The following FSTL5 variants were observed in gnomAD, a reference collection of about 807,000 sequenced individuals.
FSTL5 encodes follistatin like 5, also known as follistatin-related protein 5.
A neutral mutation model predicts 89.1 loss-of-function variants in FSTL5; 62 were observed. The observed-to-expected ratio is 0.70, with a 90% CI of 0.57 to 0.86. The LOEUF (loss-of-function observed/expected upper bound fraction) is 0.86. Ranked by LOEUF, FSTL5 falls within the 40% of genes least tolerant of loss-of-function variation. The pLI, the probability that FSTL5 is intolerant of heterozygous loss-of-function variation, is 0.00. For missense variants in FSTL5, 1,057 were observed against 1,001.6 expected (o/e 1.06, Z -0.75); for synonymous variants, 383 against 346.2 (o/e 1.11, Z -1.18).
At chr4:161,839,799 T>C (rs1261414726) in intron 4 of FSTL5, among the ~76,000 whole-genome samples, 4 of 152,198 alleles carry the variant, frequency 2.6e-5, no homozygotes, top group Admixed American at 2.6e-4. Context: ...TTACATAGTG[T>C]ATGCATTTGC....
At chr4:161,454,384 C>T (rs2126399469) in intron 15 of FSTL5, among the ~76,000 whole-genome samples, 1 of 152,282 alleles carries the variant, frequency 6.6e-6, no homozygotes, top group African/African-American at 2.4e-5. Flanking sequence ...TTCTATAAAG[C>T]TTTGCAGTTT....
chr4:161,414,106 G>A (rs1273495101), intron 15 of FSTL5, among the ~76,000 whole-genome samples: 1 of 152,058 alleles, frequency 6.6e-6, no homozygotes, highest in Non-Finnish European at 1.5e-5. Context: ...GTTTAATTTT[G>A]TTAGGTGAAT....
chr4:161,644,215 G>A (rs191434467), intron 7 of FSTL5, among the ~76,000 whole-genome samples: 62 of 152,206 alleles, frequency 4.1e-4, no homozygotes, highest in Middle Eastern at 3.4e-3. Context: ...TAGAGAGGGA[G>A]AGAAGAATGT....
intron 6 of FSTL5, among the ~76,000 whole-genome samples, chr4:161,679,777 G>A (rs1737453544): frequency 6.6e-6 from 1 of 151,674 alleles, no homozygotes; most frequent in Non-Finnish European, 1.5e-5. Context: ...AATATTAATT[G>A]ATCACATACT....
intron 1 of FSTL5, among the ~76,000 whole-genome samples, chr4:162,140,255 A>G (rs968437853): frequency 2.0e-5 from 3 of 152,274 alleles, no homozygotes; most frequent in Non-Finnish European, 2.9e-5. Flanking sequence ...CTACTTTGCA[A>G]TTCTACTCCT....
At chr4:161,491,159 A>G (rs1195564067) in intron 12 of FSTL5, among the ~76,000 whole-genome samples, 2 of 151,930 alleles carry the variant, frequency 1.3e-5, no homozygotes, top group Non-Finnish European at 2.9e-5. Context: ...TTTTAGGAAA[A>G]TTTTTCAGAG....
At chr4:161,402,792 C>A (rs1376303721) in intron 15 of FSTL5, among the ~76,000 whole-genome samples, 1 of 151,768 alleles carries the variant, frequency 6.6e-6, no homozygotes, top group African/African-American at 2.4e-5. Flanking sequence ...TTTCTGACAA[C>A]ATCAAAATAG....
At chr4:161,960,843 T>C (rs578167887) in intron 3 of FSTL5, among the ~76,000 whole-genome samples, 1 of 151,838 alleles carries the variant, frequency 6.6e-6, no homozygotes, top group South Asian at 2.1e-4. Flanking sequence ...AAGGATCAGA[T>C]AGAAATAGGA....
rs113063608 is a variant in FSTL5, at chr4:161,719,048, A to G, written c.727+40363T>C. On this transcript the variant is annotated intron_variant, in intron 6 of 15. Transcript: ENST00000306100. ...GGATATATTGATCGAAATAATTAAT[A>G]TACAAACTTTCATCTGTAGTTTCAT... Among the ~76,000 whole-genome samples, 198 of 152,332 alleles carry G rather than the reference A, an allele frequency of 1.3e-3. 1 individual carries two copies. The highest frequency in any genetic ancestry group is 4.6e-3 in the African/African-American group (193 of 41,582).
At chr4:162,022,547 C>T (rs1188808140) in intron 3 of FSTL5, among the ~76,000 whole-genome samples, 1 of 152,014 alleles carries the variant, frequency 6.6e-6, no homozygotes, top group Non-Finnish European at 1.5e-5. Context: ...GTAATGGTAC[C>T]TTCTAGGGTA....
rs776459764 is a variant in FSTL5 at position 161,656,472 on chromosome 4, T to C, written c.750A>G (p.Pro250=). 5.6e-6 allele frequency: 9 copies of C among 1,594,038 alleles called. No homozygotes were observed. The highest frequency in any genetic ancestry group is 4.1e-5 in the African/African-American group (3 of 73,944). Residue 250 remains proline, a synonymous_variant, in exon 7 of 16, where the codon CCA becomes CCG. Transcript: ENST00000306100. Reference sequence around the variant, plus strand: ...CAGTGATGCTTAGTTTCTGATCTTCTGGCAGACTCAACTGGATCACTTCTG... The same window carrying C: ...CAGTGATGCTTAGTTTCTGATCTTCCGGCAGACTCAACTGGATCACTTCTG... ...RAFQVIQLSL[P]EDQKLSITAA...
chr4:161,973,570 A>C (rs866525467), intron 3 of FSTL5, among the ~76,000 whole-genome samples: 1 of 152,320 alleles, frequency 6.6e-6, no homozygotes, highest in South Asian at 2.1e-4. Flanking sequence ...AGAAAGATTA[A>C]ATGAGTTAAA....
intron 3 of FSTL5, among the ~76,000 whole-genome samples, chr4:161,933,887 C>A (rs75762804): frequency 0.011 from 1,615 of 152,072 alleles, 25 homozygotes; most frequent in African/African-American, 0.037. Context: ...GAAAACAGCA[C>A]TGAAATCACT....
intron 10 of FSTL5, among the ~76,000 whole-genome samples, chr4:161,512,998 T>C (rs920501979): frequency 2.0e-5 from 3 of 151,940 alleles, no homozygotes; most frequent in Admixed American, 6.6e-5. Context: ...CGAAGTAAAC[T>C]ACAAAACAAA....
intron 8 of FSTL5, among the ~76,000 whole-genome samples, chr4:161,564,898 T>C (rs1732744987): frequency 6.6e-6 from 1 of 151,866 alleles, no homozygotes; most frequent in African/African-American, 2.4e-5. Flanking sequence ...TTCAATAGCA[T>C]AAATTATCTA....
intron 6 of FSTL5, 46 bp downstream of exon 6, chr4:161,759,365 C>T (rs372013817): frequency 6.8e-5 from 105 of 1,551,794 alleles, no homozygotes; most frequent in Non-Finnish European, 8.0e-5. Flanking sequence ...TGTAAAGCAA[C>T]AGGAAAAAGA....
chr4:161,595,544 T>G (rs1014557181), intron 7 of FSTL5, among the ~76,000 whole-genome samples: 5 of 152,084 alleles, frequency 3.3e-5, no homozygotes, highest in Non-Finnish European at 7.4e-5. Context: ...AAATGGGAAC[T>G]TTGGAAGAAA....
chr4:161,596,842 G>C (rs534435428), intron 7 of FSTL5, among the ~76,000 whole-genome samples: 1 of 152,108 alleles, frequency 6.6e-6, no homozygotes, highest in South Asian at 2.1e-4. Context: ...AGAATAAAAA[G>C]AAGACATATC....
intron 8 of FSTL5, among the ~76,000 whole-genome samples, chr4:161,545,306 T>A (rs1242322824): frequency 6.6e-6 from 1 of 152,046 alleles, no homozygotes; most frequent in Non-Finnish European, 1.5e-5. Context: ...TAATCAAAGG[T>A]ATTTTATTTC....
Sources: allele counts gnomAD v4.1 joint callset (sites outside exome capture counted in the v4.1 genomes callset), GRCh38; gene constraint gnomAD v4.1.1; transcripts MANE v1.5; gene names NCBI Gene and HGNC (gene_info 2026-07-23, HGNC 2026-07-21).